Variants in PECR observed in about 807,000 individuals in gnomAD.
PECR encodes 2,4-dienoyl-CoA reductase-related protein.
A neutral mutation model predicts 35.3 loss-of-function variants in PECR; 30 were observed. The ratio of observed to expected loss-of-function variants is 0.85; its 90% CI spans 0.64 to 1.15. The LOEUF is 1.15. Ranked by LOEUF, PECR falls within the 50% of genes most tolerant of loss-of-function variation. The pLI is 0.00. For missense variants in PECR, 392 were observed against 370.8 expected (o/e 1.06, Z -0.47); for synonymous variants, 148 against 138.9 (o/e 1.07, Z -0.46).
At chr2:216,042,981 A>G (rs1225773393) in intron 7 of PECR, among the ~76,000 whole-genome samples, 7 of 143,018 alleles carry the variant, frequency 4.9e-5, no homozygotes, top group Non-Finnish European at 1.1e-4. Flanking sequence ...GTATATGTGT[A>G]TATATATATA....
At chr2:216,054,441 T>C (rs1695185756) in intron 4 of PECR, among the ~76,000 whole-genome samples, 1 of 149,710 alleles carries the variant, frequency 6.7e-6, no homozygotes, top group Middle Eastern at 3.4e-3. Context: ...ATTCAAGTGA[T>C]TCTCATACCT....
chr2:216,071,725 G>C (rs1274620142), intron 1 of PECR, among the ~76,000 whole-genome samples: 1 of 152,156 alleles, frequency 6.6e-6, no homozygotes, highest in East Asian at 1.9e-4. Context: ...GTAACGCCCT[G>C]CAAGTTAAGA....
Position 216,066,503 on chromosome 2 carries a change from A to G in PECR, c.140T>C (p.Ile47Thr). The G allele has an allele frequency of 6.2e-7, 1 of 1,614,050 alleles. No homozygotes were observed. Among genetic ancestry groups the G allele is most frequent in the Non-Finnish European group, 8.5e-7 (1 of 1,179,912 alleles). Reference protein sequence around the residue: ...ELLELGSNVVIASRKLERLKS... With the variant: ...ELLELGSNVVTASRKLERLKS... ...CAATCTCTCCAACTTACGGGATGCAATGACCACATTACTCCCTGAGGAGAA... is the reference window on the plus strand; with the variant it reads ...CAATCTCTCCAACTTACGGGATGCAGTGACCACATTACTCCCTGAGGAGAA... Residue 47 changes from isoleucine to threonine, a missense_variant, in exon 2 of 8, where the codon ATT becomes ACT. Physicochemically the swap from Ile to Thr is moderately conservative, Grantham distance 89. Transcript: ENST00000265322.
intron 3 of PECR, 66 bp downstream of exon 3, chr2:216,065,245 TC>T (rs1237993893): frequency 1.2e-5 from 13 of 1,043,350 alleles, no homozygotes; most frequent in Non-Finnish European, 1.5e-5. Context: ...GGCTTCTGAG[TC>T]CCTAATAGGA....
chr2:216,050,372 GGA>G (rs1695084533), intron 5 of PECR, among the ~76,000 whole-genome samples: 2 of 152,312 alleles, frequency 1.3e-5, no homozygotes, highest in South Asian at 4.1e-4. Flanking sequence ...TACTGATACT[GGA>G]GAGATATATT....
rs138851415 is a variant in PECR, at chr2:216,062,265, C to T, written c.424+3047G>A. On this transcript the variant is annotated intron_variant, in intron 3 of 7. Coordinates refer to ENST00000265322, the MANE Select transcript of PECR (RefSeq NM_018441.6). The stretch of plus-strand genomic sequence containing the variant: ...TTCCCCATGTTGGCCAGGCTGGTTT[C>T]GAACTCCTGACCTCAAGTGATCCGC... Among the ~76,000 whole-genome samples the T allele has an allele frequency of 5.9e-3, 899 of 152,088 alleles. 8 individuals are homozygous for T. The highest frequency in any genetic ancestry group is 0.021 in the African/African-American group (855 of 41,490).
intron 7 of PECR, among the ~76,000 whole-genome samples, chr2:216,041,066 T>TAGTG (rs1694878067): frequency 6.6e-6 from 1 of 152,074 alleles, no homozygotes; most frequent in South Asian, 2.1e-4. Context: ...CTGCCAATCT[T>TAGTG]AAAAGAAAAC....
intron 7 of PECR, among the ~76,000 whole-genome samples, chr2:216,029,552 C>A (rs1373908377): frequency 6.6e-6 from 1 of 152,198 alleles, no homozygotes; most frequent in Non-Finnish European, 1.5e-5. Flanking sequence ...GCTTATGCAC[C>A]TCCCCCTGCC....
At chr2:216,046,300 ATATATATATATTT>A (rs1559209205) in intron 6 of PECR, among the ~76,000 whole-genome samples, 38 of 112,988 alleles carry the variant, frequency 3.4e-4, no homozygotes, top group African/African-American at 1.5e-3. Flanking sequence ...ATACATATAT[ATATATATATATTT>A]TTTTTTTTTT....
intron 3 of PECR, among the ~76,000 whole-genome samples, chr2:216,059,856 T>G (rs1349570703): frequency 6.6e-6 from 1 of 152,244 alleles, no homozygotes; most frequent in Non-Finnish European, 1.5e-5. Context: ...TCCAACTTTC[T>G]TCTTTTGCAA....
intron 3 of PECR, among the ~76,000 whole-genome samples, chr2:216,062,005 G>C (rs1245164079): frequency 6.6e-6 from 1 of 151,642 alleles, no homozygotes; most frequent in Non-Finnish European, 1.5e-5. Context: ...GAGAGGGAGA[G>C]AGAGAGAAAG....
At chr2:216,057,248 T>C (rs1472246610) in intron 4 of PECR, among the ~76,000 whole-genome samples, 1 of 152,176 alleles carries the variant, frequency 6.6e-6, no homozygotes, top group East Asian at 1.9e-4. Context: ...GTGTTTAGTT[T>C]GGTTTTGGTA....
intron 1 of PECR, among the ~76,000 whole-genome samples, chr2:216,071,838 C>T (rs756344734): frequency 7.9e-5 from 12 of 152,174 alleles, no homozygotes; most frequent in Non-Finnish European, 1.5e-4. Flanking sequence ...CTTTAGGTCC[C>T]TTCAGGTCTC....
At chr2:216,077,149 C>T (rs1466647050) in intron 1 of PECR, among the ~76,000 whole-genome samples, 6 of 152,094 alleles carry the variant, frequency 3.9e-5, no homozygotes, top group South Asian at 2.1e-4. Context: ...CCGCCCACCT[C>T]GGCCTCCCAA....
chr2:216,074,843 A>G (rs1172338235), intron 1 of PECR, among the ~76,000 whole-genome samples: 1 of 152,244 alleles, frequency 6.6e-6, no homozygotes, highest in African/African-American at 2.4e-5. Context: ...AACATATTAC[A>G]GGGAAAAACA....
At chr2:216,035,188 G>A (rs1289030344), downstream of PECR, among the ~76,000 whole-genome samples, 1 of 152,216 alleles carries the variant, frequency 6.6e-6, no homozygotes, top group African/African-American at 2.4e-5. Flanking sequence ...GTTGGGAGAG[G>A]GTGATGGAGA....
rs1325520438 is a variant in PECR at position 216,038,693 on chromosome 2, C to T, written c.*582G>A. The T allele has an allele frequency of 6.5e-6, 1 of 155,032 alleles. No homozygotes were observed. The highest frequency in any genetic ancestry group is 1.9e-4 in the East Asian group (1 of 5,268). The allele number at this position is 155,032 out of a possible 1,614,324, so 9.6% of individuals were successfully genotyped here. A position where few individuals can be genotyped will look rare whatever the true frequency, so the allele number is the denominator to read the frequency against. ...TAGCATGATCTCAGCTCACTGCAACCTCTGCTTCCTGGGTTCAAGCGATCC... is the reference window on the plus strand; with the variant it reads ...TAGCATGATCTCAGCTCACTGCAACTTCTGCTTCCTGGGTTCAAGCGATCC... On this transcript the variant is annotated 3_prime_UTR_variant, in exon 8 of 8. Coordinates refer to ENST00000265322, the MANE Select transcript of PECR (RefSeq NM_018441.6).
intron 1 of PECR, among the ~76,000 whole-genome samples, chr2:216,076,679 A>T (rs1695705997): frequency 6.6e-6 from 1 of 151,936 alleles, no homozygotes; most frequent in Admixed American, 6.5e-5. Context: ...ACACACCTGT[A>T]GTCCCAGCTA....
chr2:216,047,968 C>T (rs1206171671), intron 6 of PECR, among the ~76,000 whole-genome samples: 3 of 146,192 alleles, frequency 2.1e-5, no homozygotes, highest in Non-Finnish European at 3.0e-5. Flanking sequence ...GCCTACTGCC[C>T]TAAGGAGGCA....
Sources: allele counts gnomAD v4.1 joint callset (sites outside exome capture counted in the v4.1 genomes callset), GRCh38; gene constraint gnomAD v4.1.1; transcripts MANE v1.5; gene names NCBI Gene and HGNC (gene_info 2026-07-23, HGNC 2026-07-21).